Variants in GALNT2 observed in about 807,000 individuals in gnomAD.
The protein encoded by GALNT2 is UDP-GalNAc:polypeptide N-acetylgalactosaminyltransferase 2.
In GALNT2, 31 loss-of-function variants were observed where a neutral mutation model predicts 81.4. That is an observed-to-expected ratio of 0.38 (90% confidence interval 0.29 to 0.51). The LOEUF is 0.51. GALNT2 is among the 20% of genes least tolerant of loss of function. The pLI is 0.87. For synonymous variants in GALNT2, 303 were observed against 287.4 expected (o/e 1.05, Z -0.55); for missense variants, 629 against 765.7 (o/e 0.82, Z 2.11).
At chr1:230,138,205 T>A (rs1462841424) in intron 1 of GALNT2, among the ~76,000 whole-genome samples, 4 of 151,922 alleles carry the variant, frequency 2.6e-5, no homozygotes, top group African/African-American at 7.2e-5. Context: ...GTCCATGGAG[T>A]AAAGTGAAAG....
intron 11 of GALNT2, among the ~76,000 whole-genome samples, chr1:230,256,438 T>C (rs1330200747): frequency 2.2e-5 from 3 of 133,992 alleles, no homozygotes; most frequent in African/African-American, 8.2e-5. Flanking sequence ...AGAGCGAGAC[T>C]CTGTCTCAAA....
chr1:230,128,923 G>C (rs1424418691), intron 1 of GALNT2, among the ~76,000 whole-genome samples: 1 of 152,216 alleles, frequency 6.6e-6, no homozygotes, highest in African/African-American at 2.4e-5. Flanking sequence ...CTGGCACTTT[G>C]TGGATGTTTG....
chr1:230,207,586 C>T (rs1056551785), intron 3 of GALNT2, among the ~76,000 whole-genome samples: 2 of 151,996 alleles, frequency 1.3e-5, no homozygotes, highest in African/African-American at 4.8e-5. Context: ...AGATGATAGC[C>T]CATCTTATTT....
chr1:230,065,859 A>G (rs1408568864), upstream of GALNT2, among the ~76,000 whole-genome samples: 1 of 152,168 alleles, frequency 6.6e-6, no homozygotes, highest in Non-Finnish European at 1.5e-5. Flanking sequence ...TTTTTCCCAG[A>G]AACAAGGCTC....
Position 230,156,750 on chromosome 1 carries a change from C to A in GALNT2, c.127-21468C>A, listed in dbSNP as rs561083080. Among the ~76,000 whole-genome samples, 22 of 152,208 alleles carry A rather than the reference C, an allele frequency of 1.4e-4. No homozygotes were observed. The South Asian group carries it at 4.3e-3, about 30-fold the overall frequency. ...TTGGTGGTGGTTTTTTTTAATAGCACATCTCATCCTTTGATGTCAGAACAC... is the reference window on the plus strand; with the variant it reads ...TTGGTGGTGGTTTTTTTTAATAGCAAATCTCATCCTTTGATGTCAGAACAC... On this transcript the variant is annotated intron_variant, in intron 1 of 15. Transcript: ENST00000366672.
At chr1:230,090,934 A>G (rs1660053082) in intron 1 of GALNT2, among the ~76,000 whole-genome samples, 1 of 151,974 alleles carries the variant, frequency 6.6e-6, no homozygotes, top group Non-Finnish European at 1.5e-5. Context: ...TCAATGGGGG[A>G]TTGGGGTTTA....
At chr1:230,130,260 G>T (rs1661326681) in intron 1 of GALNT2, among the ~76,000 whole-genome samples, 1 of 152,156 alleles carries the variant, frequency 6.6e-6, no homozygotes, top group African/African-American at 2.4e-5. Flanking sequence ...AGATTTTGAG[G>T]GATTTCTTCA....
intron 3 of GALNT2, among the ~76,000 whole-genome samples, chr1:230,208,559 C>T (rs1217651250): frequency 6.6e-6 from 1 of 152,168 alleles, no homozygotes; most frequent in Non-Finnish European, 1.5e-5. Context: ...TATTTAAAAC[C>T]GTGAGGCTGG....
intron 1 of GALNT2, among the ~76,000 whole-genome samples, chr1:230,173,904 AT>A (rs201717207): frequency 1.7e-4 from 26 of 149,480 alleles, no homozygotes; most frequent in Admixed American, 3.3e-4. Flanking sequence ...TAGGGCGAGG[AT>A]TTTTTTTTTT....
intron 3 of GALNT2, among the ~76,000 whole-genome samples, chr1:230,205,885 CAG>C (rs1406653175): frequency 6.6e-6 from 1 of 152,128 alleles, no homozygotes; most frequent in African/African-American, 2.4e-5. Flanking sequence ...TCTTCATACA[CAG>C]AGAGGAAACG....
chr1:230,115,280 A>T (rs1159329866), intron 1 of GALNT2, among the ~76,000 whole-genome samples: 1 of 152,192 alleles, frequency 6.6e-6, no homozygotes, highest in Non-Finnish European at 1.5e-5. Context: ...CTGGGATTAC[A>T]GGAGGGTTCA....
chr1:230,092,826 CTG>C (rs1404024603), intron 1 of GALNT2, among the ~76,000 whole-genome samples: 1 of 151,960 alleles, frequency 6.6e-6, no homozygotes, highest in Non-Finnish European at 1.5e-5. Context: ...GTTTAAAAAT[CTG>C]GGGTCAAATT....
intron 14 of GALNT2, among the ~76,000 whole-genome samples, chr1:230,273,870 A>G (rs1378387722): frequency 1.3e-5 from 2 of 152,248 alleles, no homozygotes; most frequent in African/African-American, 4.8e-5. Context: ...TCATAGATCT[A>G]TTCCTCCAGT....
chr1:230,269,335 G>A (rs566642354), intron 14 of GALNT2, among the ~76,000 whole-genome samples: 1 of 151,992 alleles, frequency 6.6e-6, no homozygotes, highest in South Asian at 2.1e-4. Flanking sequence ...ACAGGCACGT[G>A]CCACCACACC....
rs565821587 is a variant in GALNT2 at position 230,166,129 on chromosome 1, A to AT, written c.127-12089_127-12088insT. 2.1e-4 allele frequency among the ~76,000 whole-genome samples: 32 copies of AT among 151,570 alleles called. No individual in the cohort carries two copies. The South Asian group carries it at 6.3e-3, about 30-fold the overall frequency. On this transcript the variant is annotated intron_variant, in intron 1 of 15. Transcript: ENST00000366672. Reference sequence around the variant, plus strand: ...GTGAAAGAACAATTTGTAATTAATAAAAAAAAAAGACCTTTTGAAAAAAAT... The same window carrying AT: ...GTGAAAGAACAATTTGTAATTAATAATAAAAAAAAGACCTTTTGAAAAAAAT...
rs1335159879 is a variant in GALNT2, at chr1:230,105,618, G to C, written c.126+38212G>C. Among the ~76,000 whole-genome samples, 2 of 152,186 alleles carry C rather than the reference G, an allele frequency of 1.3e-5. 1 individual carries two copies. Among genetic ancestry groups the C allele is most frequent in the Non-Finnish European group, 2.9e-5 (2 of 68,042 alleles). ...TCTGTGTCCCACCTTCTTCCTCGCA[G>C]TGGTCAGCACGGATGAGGTGGGAGT... On this transcript the variant is annotated intron_variant, in intron 1 of 15. Transcript: ENST00000366672.
chr1:230,098,497 G>A (rs984843335), intron 1 of GALNT2, among the ~76,000 whole-genome samples: 3 of 151,718 alleles, frequency 2.0e-5, no homozygotes, highest in Non-Finnish European at 4.4e-5. Context: ...GACAAATCCC[G>A]TTTCTTAGAA....
intron 1 of GALNT2, among the ~76,000 whole-genome samples, chr1:230,097,787 G>A (rs539979723): frequency 4.6e-5 from 7 of 152,190 alleles, no homozygotes; most frequent in South Asian, 4.2e-4. Flanking sequence ...TTTAAATACC[G>A]TTTAATAGTG....
chr1:230,096,333 A>G (rs7529009), intron 1 of GALNT2, among the ~76,000 whole-genome samples: 68,784 of 152,090 alleles, frequency 0.45, 15,664 homozygotes, highest in South Asian at 0.54. Context: ...CAGCTTAGTC[A>G]TTTGCTTACG....
Sources: allele counts gnomAD v4.1 joint callset (sites outside exome capture counted in the v4.1 genomes callset), GRCh38; gene constraint gnomAD v4.1.1; transcripts MANE v1.5; gene names NCBI Gene and HGNC (gene_info 2026-07-23, HGNC 2026-07-21).